Variants in TMEM41B observed in about 807,000 individuals in gnomAD.
TMEM41B encodes the protein transmembrane protein 41B.
Under a neutral mutation model 31.9 loss-of-function variants are expected in TMEM41B, and 18 were observed. The observed-to-expected ratio is 0.56, with a 90% CI of 0.39 to 0.84. TMEM41B has a LOEUF of 0.84. Among genes scored for constraint, TMEM41B ranks in the 40% least tolerant of loss-of-function variants. The probability of loss-of-function intolerance (pLI) is 0.00; values close to 1 mark genes in which losing one functional copy is unlikely to be tolerated. For missense variants in TMEM41B, 322 were observed against 348.0 expected (o/e 0.93, Z 0.59); for synonymous variants, 144 against 124.3 (o/e 1.16, Z -1.05).
At chr11:9,294,540 C>G (rs1452808601) in intron 3 of TMEM41B, among the ~76,000 whole-genome samples, 1 of 149,812 alleles carries the variant, frequency 6.7e-6, no homozygotes, top group Non-Finnish European at 1.5e-5. Flanking sequence ...TTTACAACAT[C>G]AAGAAGTAAA....
intron 2 of TMEM41B, among the ~76,000 whole-genome samples, chr11:9,298,454 A>C (rs1475989912): frequency 1.5e-5 from 2 of 136,230 alleles, no homozygotes; most frequent in Non-Finnish European, 3.1e-5. Flanking sequence ...CTCAAAACTC[A>C]GTCTCAAAAA....
Position 9,297,587 on chromosome 11 carries a change from G to A in TMEM41B, c.239+1997C>T, listed in dbSNP as rs1248267465. 1.6e-4 allele frequency among the ~76,000 whole-genome samples: 24 copies of A among 152,212 alleles called. No homozygotes were observed. In the East Asian group the frequency reaches 4.3e-3, roughly 27 times the overall value. ...TACATCTACAGTCCCAACTACTTGG[G>A]AGCCTGAGGCAGGAGAATCGCTTGA... On this transcript the variant is annotated intron_variant, in intron 2 of 6. Transcript: ENST00000528080.
chr11:9,303,307 T>A (rs1363320328), intron 1 of TMEM41B, among the ~76,000 whole-genome samples: 2 of 152,078 alleles, frequency 1.3e-5, no homozygotes, highest in African/African-American at 4.8e-5. Context: ...CCCAGCTAAT[T>A]TTTATATTTT....
At position 9,283,327 on chromosome 11, in the gene TMEM41B, G is replaced by T; in HGVS notation, c.*97C>A. The T allele has an allele frequency of 1.1e-6, 1 of 924,500 alleles. No individual in the cohort carries two copies. The highest frequency in any genetic ancestry group is 1.6e-6 in the Non-Finnish European group (1 of 632,720). The allele number at this position is 924,500 out of a possible 1,614,324, so 57.3% of individuals were successfully genotyped here. A position where few individuals can be genotyped will look rare whatever the true frequency, so the allele number is the denominator to read the frequency against. On this transcript the variant is annotated 3_prime_UTR_variant, in exon 7 of 7. Coordinates refer to ENST00000528080, the MANE Select transcript of TMEM41B (RefSeq NM_015012.4). ...GGAAATTTTATTTTACAAATTCCTT[G>T]TTTAATTACTGAAGAGGTGATTTTA...
intron 3 of TMEM41B, among the ~76,000 whole-genome samples, chr11:9,289,222 C>G (rs1032089438): frequency 3.3e-5 from 5 of 152,142 alleles, no homozygotes; most frequent in Admixed American, 6.6e-5. Flanking sequence ...GTCTTGAACT[C>G]CTGGGCTCAA....
At chr11:9,302,048 C>T (rs1853275057) in intron 1 of TMEM41B, among the ~76,000 whole-genome samples, 1 of 141,940 alleles carries the variant, frequency 7.0e-6, no homozygotes, top group African/African-American at 2.7e-5. Flanking sequence ...GCTCAGTCGC[C>T]CAGGCTGGAG....
At chr11:9,299,874 C>G (rs1853204271) in intron 1 of TMEM41B, among the ~76,000 whole-genome samples, 173 bp from the exon 2 acceptor site, 1 of 152,154 alleles carries the variant, frequency 6.6e-6, no homozygotes. Flanking sequence ...AATCCCAGCA[C>G]TTTGGGAAGC....
chr11:9,309,934 C>CA (rs986873221), intron 1 of TMEM41B, among the ~76,000 whole-genome samples: 2 of 148,104 alleles, frequency 1.4e-5, no homozygotes, highest in Non-Finnish European at 3.0e-5. Context: ...AAAAAAAAAA[C>CA]AAAAGAACAA....
chr11:9,295,637 C>T (rs989414806), intron 2 of TMEM41B, among the ~76,000 whole-genome samples: 2 of 151,632 alleles, frequency 1.3e-5, no homozygotes, highest in African/African-American at 4.8e-5. Context: ...CAGGTACAAA[C>T]GATTCTCCTG....
chr11:9,291,557 G>A (rs943930503), intron 3 of TMEM41B, among the ~76,000 whole-genome samples: 1 of 150,162 alleles, frequency 6.7e-6, no homozygotes, highest in Non-Finnish European at 1.5e-5. Context: ...GTGTGCCATC[G>A]CGCCCAGCTA....
chr11:9,299,633 C>A lies in TMEM41B; in HGVS notation c.190G>T (p.Ala64Ser). Residue 64 changes from alanine to serine, a missense_variant, in exon 2 of 7, where the codon GCA (alanine) becomes TCA (serine). Ala to Ser is a moderately conservative substitution (Grantham distance 99). Coordinates refer to ENST00000528080, the MANE Select transcript of TMEM41B (RefSeq NM_015012.4). ...LLILVSIFLS[A>S]AFVMFLVYKN... ...TATACCAAAAACATAACAAAAGCTG[C>A]AGATAAGAAAATGGACACCAATATA... 2 of 1,613,474 alleles carry A rather than the reference C, an allele frequency of 1.2e-6. No homozygotes were observed. Among genetic ancestry groups the A allele is most frequent in the Middle Eastern group, 1.7e-4 (1 of 6,032 alleles).
chr11:9,293,731 A>G (rs1853011154), intron 3 of TMEM41B, among the ~76,000 whole-genome samples: 1 of 152,004 alleles, frequency 6.6e-6, no homozygotes, highest in South Asian at 2.1e-4. Context: ...ACAGGCATGC[A>G]ATCACCACGC....
Position 9,282,438 on chromosome 11 carries a change from A to G in TMEM41B, c.*986T>C, listed in dbSNP as rs1852738390. 6.6e-6 allele frequency: 1 copy of G among 152,138 alleles called. No homozygotes were observed. Among genetic ancestry groups the G allele is most frequent in the African/African-American group, 2.4e-5 (1 of 41,432 alleles). The allele number at this position is 152,138 out of a possible 1,614,324, so 9.4% of individuals were successfully genotyped here. Reference sequence around the variant, plus strand: ...TACAGTTATGTAATACCCATTTTGCATATGCACAGTGGAAATACTGTAAAA... The same window carrying G: ...TACAGTTATGTAATACCCATTTTGCGTATGCACAGTGGAAATACTGTAAAA... On this transcript the variant is annotated 3_prime_UTR_variant, in exon 7 of 7. Transcript: ENST00000528080.
At chr11:9,284,460 A>G (rs1329511585) in intron 6 of TMEM41B, among the ~76,000 whole-genome samples, 2 of 151,310 alleles carry the variant, frequency 1.3e-5, no homozygotes, top group Non-Finnish European at 3.0e-5. Context: ...ACTATCAAAA[A>G]CCTTAAAAGA....
chr11:9,295,256 T>C lies in TMEM41B; in HGVS notation c.368+3A>G. 1 of 1,542,632 alleles carries C rather than the reference T, an allele frequency of 6.5e-7. No homozygotes were observed. The highest frequency in any genetic ancestry group is 1.2e-5 in the South Asian group (1 of 83,312). Reference sequence around the variant, plus strand: ...GAAAACATTTTTTCAGTTAAAAGGATACAAAATATATGTAGCAAAATAAGC... The same window carrying C: ...GAAAACATTTTTTCAGTTAAAAGGACACAAAATATATGTAGCAAAATAAGC... On this transcript the variant is annotated splice_donor_region_variant and intron_variant, in intron 3 of 6. Coordinates refer to ENST00000528080, the MANE Select transcript of TMEM41B (RefSeq NM_015012.4).
chr11:9,303,832 T>G (rs1441039186), intron 1 of TMEM41B, among the ~76,000 whole-genome samples: 2 of 151,802 alleles, frequency 1.3e-5, no homozygotes, highest in Admixed American at 1.3e-4. Flanking sequence ...GAGGATCAAC[T>G]AATTTTTGTA....
intron 2 of TMEM41B, among the ~76,000 whole-genome samples, chr11:9,298,959 A>G (rs1191498176): frequency 6.6e-6 from 1 of 151,868 alleles, no homozygotes; most frequent in African/African-American, 2.4e-5. Flanking sequence ...CTAGGGTTTA[A>G]TAGCTCTGGG....
chr11:9,291,218 AAAG>A (rs1326840565), intron 3 of TMEM41B, among the ~76,000 whole-genome samples: 1 of 151,520 alleles, frequency 6.6e-6, no homozygotes, highest in Non-Finnish European at 1.5e-5. Flanking sequence ...TCAGGAGTTC[AAAG>A]AATACAAAAA....
chr11:9,284,650 C>G (rs1350151545), intron 6 of TMEM41B, among the ~76,000 whole-genome samples: 1 of 151,832 alleles, frequency 6.6e-6, no homozygotes, highest in Non-Finnish European at 1.5e-5. Flanking sequence ...GTAATCCCAG[C>G]TACTTGGGAG....
Sources: gnomAD v4.1 joint callset for allele counts (sites outside exome capture counted in the v4.1 genomes callset) on GRCh38, gnomAD v4.1.1 for gene constraint, MANE v1.5 for transcripts, NCBI Gene and HGNC (gene_info 2026-07-23, HGNC 2026-07-21) for gene names.